Variants in MSR1 observed in about 807,000 individuals in gnomAD.
MSR1 encodes macrophage scavenger receptor types I and II.
Under a neutral mutation model 47.2 loss-of-function variants are expected in MSR1, and 53 were observed. The ratio of observed to expected loss-of-function variants is 1.12; its 90% CI spans 0.90 to 1.41. The LOEUF (loss-of-function observed/expected upper bound fraction) is 1.41, where lower values mean the gene tolerates loss of function less well. Among genes scored for constraint, MSR1 ranks in the 40% most tolerant of loss-of-function variants. MSR1 has a pLI of 0.00. For missense variants in MSR1, 786 were observed against 546.9 expected, an observed-to-expected ratio of 1.44 and a Z score of -4.36; for synonymous variants, 239 against 185.6, an observed-to-expected ratio of 1.29 and a Z score of -2.34.
chr8:16,113,022 C>T (rs1052253196), intron 9 of MSR1, among the ~76,000 whole-genome samples: 1 of 145,592 alleles, frequency 6.9e-6, no homozygotes, highest in Non-Finnish European at 1.5e-5. Flanking sequence ...GTGATCTCGG[C>T]TCACTGCACT....
At chr8:16,167,372 C>T (rs1801343316) in intron 4 of MSR1, among the ~76,000 whole-genome samples, 1 of 152,144 alleles carries the variant, frequency 6.6e-6, no homozygotes, top group Non-Finnish European at 1.5e-5. Context: ...GGTGCAAACT[C>T]TGTCTCCACT....
intron 2 of MSR1, among the ~76,000 whole-genome samples, chr8:16,175,513 C>G (rs1157883282): frequency 6.6e-6 from 1 of 152,192 alleles, no homozygotes; most frequent in Non-Finnish European, 1.5e-5. Flanking sequence ...GACTTATCCA[C>G]TCACTAAACA....
chr8:16,133,375 G>A (rs1486311509), intron 8 of MSR1, among the ~76,000 whole-genome samples: 1 of 152,146 alleles, frequency 6.6e-6, no homozygotes, highest in Admixed American at 6.5e-5. Context: ...GGAGCCAAAT[G>A]AAGATTGTAA....
chr8:16,191,429 G>T (rs1802196647), intron 1 of MSR1, among the ~76,000 whole-genome samples: 1 of 152,120 alleles, frequency 6.6e-6, no homozygotes, highest in Admixed American at 6.5e-5. Flanking sequence ...TAAATTTAAA[G>T]AATTATTGCG....
chr8:16,116,685 G>C (rs76433029), intron 9 of MSR1, among the ~76,000 whole-genome samples: 2,768 of 152,102 alleles, frequency 0.018, 86 homozygotes, highest in African/African-American at 0.064. Context: ...ACTTTATAGA[G>C]ATATAAGCAG....
At chr8:16,142,814 G>A (rs752897565) in intron 8 of MSR1, among the ~76,000 whole-genome samples, 3 of 152,046 alleles carry the variant, frequency 2.0e-5, no homozygotes, top group Non-Finnish European at 4.4e-5. Context: ...CACATCACAT[G>A]TAGTTTCTAC....
At chr8:16,115,857 C>G (rs2117052712) in intron 9 of MSR1, among the ~76,000 whole-genome samples, 1 of 152,120 alleles carries the variant, frequency 6.6e-6, no homozygotes, top group South Asian at 2.1e-4. Flanking sequence ...GTATGTGGTG[C>G]AGGCCTGTGG....
chr8:16,187,730 G>C lies in MSR1; in HGVS notation c.-5+4868C>G, dbSNP rs193088057. On this transcript the variant is annotated intron_variant, in intron 1 of 9. Coordinates refer to ENST00000262101, the MANE Select transcript of MSR1 (RefSeq NM_138715.3). ...TTAGGTTATGCCTCAAGAAAACTTT[G>C]TGGTTCACTAAAGTAGGGATTTTAA... Among the ~76,000 whole-genome samples, 27 of 152,206 alleles carry C rather than the reference G, an allele frequency of 1.8e-4. No individual in the cohort carries two copies. The East Asian group carries it at 4.8e-3, about 27-fold the overall frequency.
At chr8:16,118,161 T>A (rs78765574) in intron 9 of MSR1, among the ~76,000 whole-genome samples, 2 of 152,120 alleles carry the variant, frequency 1.3e-5, no homozygotes, top group South Asian at 4.1e-4. Flanking sequence ...GATTATATTA[T>A]CTAAATAACT....
chr8:16,191,902 C>T (rs1057119751), intron 1 of MSR1, among the ~76,000 whole-genome samples: 7 of 152,128 alleles, frequency 4.6e-5, no homozygotes, highest in Non-Finnish European at 8.8e-5. Flanking sequence ...ACTTTTTTCA[C>T]ATAGAAGTAA....
intron 9 of MSR1, among the ~76,000 whole-genome samples, chr8:16,113,041 C>T (rs1354275618): frequency 1.3e-5 from 2 of 148,714 alleles, no homozygotes; most frequent in African/African-American, 2.5e-5. Flanking sequence ...CTTCCGCTTC[C>T]TGGGTTCAAA....
chr8:16,147,331 G>A (rs370974116), intron 7 of MSR1, among the ~76,000 whole-genome samples: 11 of 152,060 alleles, frequency 7.2e-5, no homozygotes, highest in African/African-American at 2.7e-4. Context: ...TTCTAGCACT[G>A]TACCCTTACG....
At chr8:16,169,706 T>C (rs1801425948) in intron 3 of MSR1, among the ~76,000 whole-genome samples, 2 of 152,032 alleles carry the variant, frequency 1.3e-5, no homozygotes, top group South Asian at 2.1e-4. Flanking sequence ...TAATGCTCTA[T>C]CATAAGTACT....
intron 1 of MSR1, among the ~76,000 whole-genome samples, chr8:16,180,795 AG>A (rs1801806471): frequency 6.6e-6 from 1 of 152,132 alleles, no homozygotes; most frequent in South Asian, 2.1e-4. Context: ...TTTATTTGGA[AG>A]TTTGCAGTGA....
At chr8:16,117,939 C>A (rs546826941) in intron 9 of MSR1, among the ~76,000 whole-genome samples, 1 of 152,114 alleles carries the variant, frequency 6.6e-6, no homozygotes, top group African/African-American at 2.4e-5. Flanking sequence ...TTGAACCATC[C>A]CCAAACCTTC....
chr8:16,191,164 T>C (rs1802189787), intron 1 of MSR1, among the ~76,000 whole-genome samples: 1 of 152,208 alleles, frequency 6.6e-6, no homozygotes, highest in Non-Finnish European at 1.5e-5. Context: ...ATTAAGATTA[T>C]TTGTGAAACT....
At chr8:16,126,258 G>C (rs1335687828) in intron 8 of MSR1, among the ~76,000 whole-genome samples, 1 of 152,036 alleles carries the variant, frequency 6.6e-6, no homozygotes, top group African/African-American at 2.4e-5. Context: ...AACATGTAAG[G>C]TCTTCTTTGC....
At chr8:16,110,302 C>T in intron 9 of MSR1, 84 bp from the exon 10 acceptor site, 7 of 1,457,608 alleles carry the variant, frequency 4.8e-6, no homozygotes, top group Admixed American at 1.7e-5. Flanking sequence ...AATTCCTTCA[C>T]TAATTAAACA....
intron 5 of MSR1, among the ~76,000 whole-genome samples, chr8:16,156,189 A>T (rs889396913): frequency 3.3e-5 from 5 of 151,988 alleles, no homozygotes; most frequent in African/African-American, 1.2e-4. Context: ...TCACCACAGA[A>T]TAAGGAAATA....
Sources: allele counts gnomAD v4.1 joint callset (sites outside exome capture counted in the v4.1 genomes callset), GRCh38; gene constraint gnomAD v4.1.1; transcripts MANE v1.5; gene names NCBI Gene and HGNC (gene_info 2026-07-23, HGNC 2026-07-21).